The following MSANTD1 variants were observed in gnomAD, a reference collection of about 807,000 sequenced individuals.
MSANTD1 encodes myb/SANT-like DNA-binding domain-containing protein 1.
Under a neutral mutation model 24.2 loss-of-function variants are expected in MSANTD1, and 7 were observed. That is an observed-to-expected ratio of 0.29 (90% confidence interval 0.16 to 0.54). MSANTD1 has a LOEUF of 0.54. MSANTD1 is among the 20% of genes least tolerant of loss of function. The pLI, the probability that MSANTD1 is intolerant of heterozygous loss-of-function variation, is 0.94. For missense variants in MSANTD1, 384 were observed against 408.2 expected, an observed-to-expected ratio of 0.94 and a Z score of 0.51; for synonymous variants, 177 against 181.1, an observed-to-expected ratio of 0.98 and a Z score of 0.18.
At chr4:3,245,977 C>T (rs141989157), upstream of MSANTD1, among the ~76,000 whole-genome samples, 4 of 152,278 alleles carry the variant, frequency 2.6e-5, no homozygotes, top group East Asian at 3.9e-4. Context: ...AGGCCCCTGC[C>T]CTCCATGCTT....
At chr4:3,247,052 C>T (rs1462533173), upstream of MSANTD1, among the ~76,000 whole-genome samples, 1 of 152,130 alleles carries the variant, frequency 6.6e-6, no homozygotes, top group African/African-American at 2.4e-5. Context: ...GTCCACTGGC[C>T]AGCAGCTGCC....
At chr4:3,247,125 G>T (rs965582747), upstream of MSANTD1, among the ~76,000 whole-genome samples, 2 of 152,180 alleles carry the variant, frequency 1.3e-5, no homozygotes, top group African/African-American at 2.4e-5. Flanking sequence ...TTTGTGGAAG[G>T]GGGTAGAGGG....
Position 3,255,980 on chromosome 4 carries a change from G to C in MSANTD1, c.*15G>C. The C allele has an allele frequency of 6.7e-7, 1 of 1,499,116 alleles. No individual in the cohort carries two copies. Among genetic ancestry groups the C allele is most frequent in the Non-Finnish European group, 8.9e-7 (1 of 1,124,594 alleles). The allele number at this position is 1,499,116 out of a possible 1,614,324, so 92.9% of individuals were successfully genotyped here. Reference sequence around the variant, plus strand: ...CCAGCGTCTAGGCCAGCAGGCGGCGGCGGCGGCGGGGCCGGGCGGCTGGTG... The same window carrying C: ...CCAGCGTCTAGGCCAGCAGGCGGCGCCGGCGGCGGGGCCGGGCGGCTGGTG... On this transcript the variant is annotated 3_prime_UTR_variant, in exon 3 of 3. Transcript: ENST00000438480.
chr4:3,246,443 G>T, upstream of MSANTD1: 1 of 432,782 alleles, frequency 2.3e-6, no homozygotes, highest in Non-Finnish European at 4.1e-6. Context: ...CAGGATGAGA[G>T]TCTAGTTGGG....
intron 2 of MSANTD1, 59 bp downstream of exon 2, chr4:3,253,541 G>T: frequency 7.0e-7 from 1 of 1,429,232 alleles, no homozygotes; most frequent in Non-Finnish European, 9.2e-7. Context: ...ACCATTTAGA[G>T]AAAGGGACTG....
Position 3,256,110 on chromosome 4 carries a change from T to G in MSANTD1, c.*145T>G, listed in dbSNP as rs1560619447. ...ACCTGGCCTCTGGCAGGATGTCCCT[T>G]CTGAGGGGTATTTTGAGGAACCCCC... On this transcript the variant is annotated 3_prime_UTR_variant, in exon 3 of 3. Transcript: ENST00000438480. 5 of 1,032,554 alleles carry G rather than the reference T, an allele frequency of 4.8e-6. No homozygotes were observed. Among genetic ancestry groups the G allele is most frequent in the Non-Finnish European group, 6.6e-6 (5 of 756,774 alleles). The allele number at this position is 1,032,554 out of a possible 1,614,324, so 64.0% of individuals were successfully genotyped here. A position where few individuals can be genotyped will look rare whatever the true frequency, so the allele number is the denominator to read the frequency against.
upstream of MSANTD1, chr4:3,248,359 C>T (rs960666325): frequency 6.6e-5 from 10 of 152,624 alleles, no homozygotes; most frequent in African/African-American, 2.4e-4. Flanking sequence ...CCATCAGCTC[C>T]CTGCGTACCC....
Position 3,256,217 on chromosome 4 carries a change from C to A in MSANTD1, c.*252C>A. On this transcript the variant is annotated 3_prime_UTR_variant, in exon 3 of 3. Coordinates refer to ENST00000438480, the MANE Select transcript of MSANTD1 (RefSeq NM_001042690.2). ...AGGCCAGGGCCTCTGGGGTTCACTC[C>A]GAGTAAGAACGTCCTAGAGCCACTC... 2.5e-6 allele frequency: 1 copy of A among 406,524 alleles called. No homozygotes were observed. The highest frequency in any genetic ancestry group is 4.4e-6 in the Non-Finnish European group (1 of 229,770). 25.2% of individuals were successfully genotyped at this position (406,524 alleles called of 1,614,324 possible). A position where few individuals can be genotyped will look rare whatever the true frequency, so the allele number is the denominator to read the frequency against.
At chr4:3,250,656 C>G (rs567571777) in intron 1 of MSANTD1, among the ~76,000 whole-genome samples, 2 of 152,180 alleles carry the variant, frequency 1.3e-5, no homozygotes, top group Non-Finnish European at 2.9e-5. Context: ...GCCCTGTGGG[C>G]GGCCTGGACA....
At chr4:3,246,859 G>A (rs1029733788), upstream of MSANTD1, among the ~76,000 whole-genome samples, 5 of 152,204 alleles carry the variant, frequency 3.3e-5, no homozygotes, top group Non-Finnish European at 5.9e-5. Context: ...ACTGAGCCTG[G>A]GAAGAGAGGG....
At chr4:3,251,104 G>C (rs960148630) in intron 1 of MSANTD1, among the ~76,000 whole-genome samples, 1 of 152,258 alleles carries the variant, frequency 6.6e-6, no homozygotes, top group East Asian at 1.9e-4. Context: ...GCTGAGGTGT[G>C]AGCCTGGGTA....
Position 3,249,159 on chromosome 4 carries a change from A to AG in MSANTD1, c.-63dup, listed in dbSNP as rs1722127916. The AG allele has an allele frequency of 2.3e-6, 3 of 1,297,664 alleles. No homozygotes were observed. Among genetic ancestry groups the AG allele is most frequent in the Admixed American group, 3.7e-5 (1 of 27,088 alleles). 80.4% of individuals were successfully genotyped at this position (1,297,664 alleles called of 1,614,324 possible). A position where few individuals can be genotyped will look rare whatever the true frequency, so the allele number is the denominator to read the frequency against. Reference sequence around the variant, plus strand: ...GCTTTTAACTAAATTCCTGCCTGTCAGATGTAGGCCCCATTTTGAGCGTGG... The same window carrying AG: ...GCTTTTAACTAAATTCCTGCCTGTCAGGATGTAGGCCCCATTTTGAGCGTGG... On this transcript the variant is annotated 5_prime_UTR_variant, in exon 1 of 3. Coordinates refer to ENST00000438480, the MANE Select transcript of MSANTD1 (RefSeq NM_001042690.2).
chr4:3,252,384 G>C (rs1278168419), intron 1 of MSANTD1, among the ~76,000 whole-genome samples: 1 of 152,246 alleles, frequency 6.6e-6, no homozygotes, highest in Non-Finnish European at 1.5e-5. Context: ...TGGGTGCTGG[G>C]GGTCCCAGTG....
At chr4:3,249,052 A>T, upstream of MSANTD1, 1 of 535,756 alleles carries the variant, frequency 1.9e-6, no homozygotes, top group Non-Finnish European at 3.0e-6. Context: ...GCTTTCAGTT[A>T]AAAGGTTTCT....
upstream of MSANTD1, chr4:3,246,792 A>G: frequency 1.7e-6 from 1 of 590,422 alleles, no homozygotes; most frequent in South Asian, 2.0e-5. Context: ...GGTCAGTGTG[A>G]GGGCTCTGCC....
upstream of MSANTD1, among the ~76,000 whole-genome samples, chr4:3,245,679 A>C (rs946129178): frequency 2.0e-5 from 3 of 152,176 alleles, no homozygotes; most frequent in African/African-American, 4.8e-5. Context: ...TCTTTTGGGA[A>C]ACCATGTGGA....
intron 2 of MSANTD1, among the ~76,000 whole-genome samples, chr4:3,254,016 T>C (rs961202776): frequency 6.6e-6 from 1 of 152,126 alleles, no homozygotes; most frequent in Non-Finnish European, 1.5e-5. Context: ...ACCCGTCCCG[T>C]GCTGGCCACG....
chr4:3,251,076 C>T (rs970685142), intron 1 of MSANTD1, among the ~76,000 whole-genome samples: 1 of 152,226 alleles, frequency 6.6e-6, no homozygotes, highest in Non-Finnish European at 1.5e-5. Context: ...GTTTGAGCGG[C>T]TGGCTTGCGA....
upstream of MSANTD1, chr4:3,244,437 C>T (rs1022485881): frequency 6.6e-6 from 1 of 152,356 alleles, no homozygotes; most frequent in African/African-American, 2.4e-5. Flanking sequence ...ACACCTGCGT[C>T]CCTGGCCCAG....
Sources: gnomAD v4.1 joint callset for allele counts (sites outside exome capture counted in the v4.1 genomes callset) on GRCh38, gnomAD v4.1.1 for gene constraint, MANE v1.5 for transcripts, NCBI Gene and HGNC (gene_info 2026-07-23, HGNC 2026-07-21) for gene names.